The following BMP6 variants were observed in gnomAD, a reference collection of about 807,000 sequenced individuals.
BMP6 encodes bone morphogenetic protein 6.
BMP6 carries 17 observed loss-of-function variants against 54.1 expected under a neutral mutation model. The ratio of observed to expected loss-of-function variants is 0.31; its 90% CI spans 0.22 to 0.47. BMP6 has a LOEUF of 0.47. BMP6 is among the 20% of genes least tolerant of loss of function. The pLI is 1.00. For synonymous variants in BMP6, 328 were observed against 291.2 expected (o/e 1.13, Z -1.28); for missense variants, 720 against 690.4 (o/e 1.04, Z -0.48).
intron 1 of BMP6, among the ~76,000 whole-genome samples, chr6:7,730,798 C>CATCT (rs1761840769): frequency 6.6e-6 from 1 of 152,204 alleles, no homozygotes; most frequent in African/African-American, 2.4e-5. Flanking sequence ...TTACCTGACT[C>CATCT]ATCTATTAAA....
chr6:7,774,150 A>C (rs1757828701), intron 1 of BMP6, among the ~76,000 whole-genome samples: 3 of 152,238 alleles, frequency 2.0e-5, no homozygotes, highest in Admixed American at 6.5e-5. Context: ...GAAGAGAGAC[A>C]CATGGAACTC....
At chr6:7,847,338 C>T (rs1759082609) in intron 2 of BMP6, among the ~76,000 whole-genome samples, 1 of 152,110 alleles carries the variant, frequency 6.6e-6, no homozygotes, top group Admixed American at 6.5e-5. Context: ...TCCAGTTTGG[C>T]CAGGAAGAGA....
At chr6:7,843,443 CTTTTT>C (rs66907363) in intron 1 of BMP6, among the ~76,000 whole-genome samples, 2 of 135,974 alleles carry the variant, frequency 1.5e-5, no homozygotes, top group Non-Finnish European at 3.2e-5. Context: ...TCTTTTCTTT[CTTTTT>C]TTTTTTTTTA....
chr6:7,726,499 C>G lies in BMP6; in HGVS notation c.-457C>G, dbSNP rs1171581868. 6.6e-6 allele frequency among the ~76,000 whole-genome samples: 1 copy of G among 152,204 alleles called. No individual in the cohort carries two copies. The highest frequency in any genetic ancestry group is 1.5e-5 in the Non-Finnish European group (1 of 68,032). Reference sequence around the variant, plus strand: ...CGTGCGCCACGGTGATGCCGGGCATCTCCCGCAGCTCGTGAGCGGCCCCGC... The same window carrying G: ...CGTGCGCCACGGTGATGCCGGGCATGTCCCGCAGCTCGTGAGCGGCCCCGC... On this transcript the variant is annotated 5_prime_UTR_variant, in exon 1 of 7. It adds an upstream start codon to the 5' untranslated region. Transcript: ENST00000283147.
At chr6:7,855,586 G>C (rs948177356) in intron 2 of BMP6, among the ~76,000 whole-genome samples, 3 of 98,714 alleles carry the variant, frequency 3.0e-5, no homozygotes, top group Non-Finnish European at 5.5e-5. Flanking sequence ...TTTTTGAGAT[G>C]AGTTGTGCTC....
intron 1 of BMP6, among the ~76,000 whole-genome samples, chr6:7,785,646 G>A (rs145451582): frequency 2.6e-5 from 4 of 152,268 alleles, no homozygotes; most frequent in East Asian, 1.9e-4. Flanking sequence ...TAGAAGGAAC[G>A]TGAGGAGCAG....
chr6:7,831,232 G>A (rs924776768), intron 1 of BMP6, among the ~76,000 whole-genome samples: 2 of 152,186 alleles, frequency 1.3e-5, no homozygotes, highest in African/African-American at 4.8e-5. Flanking sequence ...GTTTTCATGT[G>A]AAATATCCAA....
chr6:7,788,317 G>A (rs1758047221), intron 1 of BMP6, among the ~76,000 whole-genome samples: 1 of 152,188 alleles, frequency 6.6e-6, no homozygotes. Flanking sequence ...TATGCATCCT[G>A]TATGGAAAGA....
intron 4 of BMP6, among the ~76,000 whole-genome samples, chr6:7,863,094 G>A (rs1394358706): frequency 2.0e-5 from 3 of 152,152 alleles, no homozygotes; most frequent in South Asian, 2.1e-4. Flanking sequence ...CGCCTCCTGG[G>A]TTCATGCCAT....
At chr6:7,761,776 C>T (rs76433869) in intron 1 of BMP6, among the ~76,000 whole-genome samples, 48 of 152,306 alleles carry the variant, frequency 3.2e-4, no homozygotes, top group East Asian at 1.7e-3. Flanking sequence ...AAAGTCTTTA[C>T]GGCATTTTCT....
chr6:7,827,093 C>G (rs1691732735), intron 1 of BMP6, among the ~76,000 whole-genome samples: 1 of 152,174 alleles, frequency 6.6e-6, no homozygotes, highest in South Asian at 2.1e-4. Flanking sequence ...CACTTTTTCC[C>G]CAACCTGCGG....
chr6:7,812,751 A>T (rs1466008731), intron 1 of BMP6, among the ~76,000 whole-genome samples: 1 of 152,090 alleles, frequency 6.6e-6, no homozygotes, highest in Non-Finnish European at 1.5e-5. Context: ...ACTGAGAAAG[A>T]ACTATAAGTG....
chr6:7,740,319 G>A (rs1456244308), intron 1 of BMP6, among the ~76,000 whole-genome samples: 1 of 152,090 alleles, frequency 6.6e-6, no homozygotes, highest in African/African-American at 2.4e-5. Context: ...TCCCATCCCA[G>A]ACTCATGCAG....
intron 1 of BMP6, among the ~76,000 whole-genome samples, chr6:7,798,286 C>T (rs1028277925): frequency 6.6e-6 from 1 of 152,178 alleles, no homozygotes; most frequent in African/African-American, 2.4e-5. Context: ...AAAGCAGAAC[C>T]AGATGTAAGA....
At chr6:7,869,546 G>T (rs1164164576) in intron 4 of BMP6, among the ~76,000 whole-genome samples, 1 of 152,140 alleles carries the variant, frequency 6.6e-6, no homozygotes, top group Non-Finnish European at 1.5e-5. Flanking sequence ...TGGGGCCAAG[G>T]GTGCCCTGTC....
At chr6:7,879,859 T>C (rs943703245) in intron 5 of BMP6, 132 bp from the exon 6 acceptor site, 2 of 927,396 alleles carry the variant, frequency 2.2e-6, no homozygotes, top group Non-Finnish European at 3.3e-6. Context: ...TTGGACAAAT[T>C]CCTAAGCCTT....
At chr6:7,731,360 C>T (rs142773620) in intron 1 of BMP6, among the ~76,000 whole-genome samples, 301 of 152,300 alleles carry the variant, frequency 2.0e-3, no homozygotes, top group African/African-American at 7.0e-3. Context: ...ACCTTCTCTG[C>T]CACTCTATAT....
chr6:7,853,465 C>T (rs966198094), intron 2 of BMP6, among the ~76,000 whole-genome samples: 1 of 152,112 alleles, frequency 6.6e-6, no homozygotes, highest in Non-Finnish European at 1.5e-5. Context: ...ACTGATTGCT[C>T]TATAAAATCT....
At chr6:7,852,771 C>T (rs1232262528) in intron 2 of BMP6, among the ~76,000 whole-genome samples, 5 of 152,100 alleles carry the variant, frequency 3.3e-5, no homozygotes, top group East Asian at 3.9e-4. Context: ...CTCAACTCCT[C>T]GTCCCATATA....
Sources: allele counts gnomAD v4.1 joint callset (sites outside exome capture counted in the v4.1 genomes callset), GRCh38; gene constraint gnomAD v4.1.1; transcripts MANE v1.5; gene names NCBI Gene and HGNC (gene_info 2026-07-23, HGNC 2026-07-21).